KAZN: variants seen among roughly 807,000 people sequenced by gnomAD.
KAZN encodes kazrin, periplakin interacting protein, also known as kazrin.
A neutral mutation model predicts 87.4 loss-of-function variants in KAZN; 40 were observed. The observed-to-expected ratio is 0.46, with a 90% CI of 0.36 to 0.60. The LOEUF is 0.60. Among genes scored for constraint, KAZN ranks in the 20% least tolerant of loss-of-function variants. KAZN has a pLI of 0.00. For missense variants in KAZN, 898 were observed against 1,073.9 expected (o/e 0.84, Z 2.29); for synonymous variants, 466 against 458.3 (o/e 1.02, Z -0.22).
intron 1 of KAZN, among the ~76,000 whole-genome samples, chr1:14,853,922 T>A (rs1649765634): frequency 6.6e-6 from 1 of 152,138 alleles, no homozygotes; most frequent in Non-Finnish European, 1.5e-5. Context: ...AAGAGGAAAG[T>A]CAGCATGAAG....
intron 2 of KAZN, among the ~76,000 whole-genome samples, chr1:14,489,342 A>C (rs2148405402): frequency 6.6e-6 from 1 of 152,286 alleles, no homozygotes; most frequent in East Asian, 1.9e-4. Flanking sequence ...TATCTATATA[A>C]ATCGGGATAA....
intron 2 of KAZN, among the ~76,000 whole-genome samples, chr1:14,532,452 GTTTTTA>G (rs1557781851): frequency 5.5e-5 from 3 of 54,590 alleles, no homozygotes; most frequent in African/African-American, 1.1e-4. Context: ...AAAAACATGT[GTTTTTA>G]TTATTATTAT....
chr1:14,058,981 G>C (rs1642684641), intron 1 of KAZN, among the ~76,000 whole-genome samples: 2 of 152,152 alleles, frequency 1.3e-5, no homozygotes, highest in African/African-American at 4.8e-5. Flanking sequence ...TTGCTATGAT[G>C]CTACCTCAGA....
chr1:14,293,582 G>A (rs1272935656), intron 2 of KAZN, among the ~76,000 whole-genome samples: 1 of 151,804 alleles, frequency 6.6e-6, no homozygotes, highest in African/African-American at 2.4e-5. Flanking sequence ...TGAGCCCCTG[G>A]TCTTGGTCCA....
chr1:15,073,315 T>C (rs922545091), intron 8 of KAZN, among the ~76,000 whole-genome samples: 5 of 152,216 alleles, frequency 3.3e-5, no homozygotes, highest in African/African-American at 7.2e-5. Flanking sequence ...GCCGAGGCCC[T>C]GGGAGCTGTG....
At chr1:14,091,042 G>A (rs1231943478) in intron 1 of KAZN, among the ~76,000 whole-genome samples, 1 of 150,050 alleles carries the variant, frequency 6.7e-6, no homozygotes, top group Non-Finnish European at 1.5e-5. Flanking sequence ...AACCCAGGAG[G>A]CAGAGGTTGC....
intron 1 of KAZN, among the ~76,000 whole-genome samples, chr1:13,959,163 A>G (rs1641660586): frequency 6.6e-6 from 1 of 152,178 alleles, no homozygotes; most frequent in African/African-American, 2.4e-5. Context: ...CTTACAGAAG[A>G]GACCCCAGAG....
chr1:14,365,769 G>A (rs544071229), intron 2 of KAZN, among the ~76,000 whole-genome samples: 8 of 152,138 alleles, frequency 5.3e-5, no homozygotes, highest in African/African-American at 1.4e-4. Flanking sequence ...AAGAACCTCC[G>A]GGTTAAAAAA....
At chr1:14,626,949 G>T (rs1193807787) in intron 1 of KAZN, among the ~76,000 whole-genome samples, 2 of 152,118 alleles carry the variant, frequency 1.3e-5, no homozygotes, top group East Asian at 3.9e-4. Context: ...CCTACTGTGT[G>T]CCCCTTTAGC....
intron 1 of KAZN, among the ~76,000 whole-genome samples, chr1:14,730,307 C>G (rs1643620463): frequency 6.6e-6 from 1 of 152,200 alleles, no homozygotes; most frequent in South Asian, 2.1e-4. Context: ...TGGTCTCGAA[C>G]TCCTGACCTT....
At chr1:14,869,740 T>G (rs1056858490) in intron 1 of KAZN, among the ~76,000 whole-genome samples, 2 of 152,252 alleles carry the variant, frequency 1.3e-5, no homozygotes, top group African/African-American at 4.8e-5. Flanking sequence ...TACTTGCTTC[T>G]GTTCTCCTTC....
intron 1 of KAZN, among the ~76,000 whole-genome samples, chr1:14,076,206 G>A (rs1006972514): frequency 6.6e-6 from 1 of 152,028 alleles, no homozygotes; most frequent in Non-Finnish European, 1.5e-5. Flanking sequence ...GCGTGAACCC[G>A]GGAGGTGGAG....
chr1:14,046,426 G>A (rs114066503), intron 1 of KAZN, among the ~76,000 whole-genome samples: 2 of 52,254 alleles, frequency 3.8e-5, no homozygotes, highest in African/African-American at 2.9e-4. Context: ...CCAGAGCAAA[G>A]CAAAACCAAA....
At chr1:14,814,218 C>CT (rs1038002080) in intron 1 of KAZN, among the ~76,000 whole-genome samples, 4 of 150,414 alleles carry the variant, frequency 2.7e-5, no homozygotes, top group Non-Finnish European at 5.9e-5. Flanking sequence ...AAGACTGGAT[C>CT]TTTTTTATTA....
intron 1 of KAZN, among the ~76,000 whole-genome samples, chr1:14,774,977 G>A (rs181257591): frequency 1.4e-4 from 21 of 152,260 alleles, no homozygotes; most frequent in East Asian, 1.4e-3. Context: ...AAGCAGACAC[G>A]GTCCTGCCCT....
chr1:14,597,767 G>T (rs1327770583), upstream of KAZN, among the ~76,000 whole-genome samples: 1 of 152,102 alleles, frequency 6.6e-6, no homozygotes, highest in Non-Finnish European at 1.5e-5. Context: ...TGTCCTATTT[G>T]CATGGAATGA....
At position 14,184,628 on chromosome 1, in the gene KAZN, G is replaced by C. The variant is rs1445078815; in HGVS notation, c.249+4036G>C. Among the ~76,000 whole-genome samples, 1 of 152,142 alleles carries C rather than the reference G, an allele frequency of 6.6e-6. No individual in the cohort carries two copies. Among genetic ancestry groups the C allele is most frequent in the Non-Finnish European group, 1.5e-5 (1 of 68,020 alleles). ...GTTTTTCTTTTCTCTTTTTAAAAGA[G>C]CTGTCTAGCAAACTCTTCTAGATGA... On this transcript the variant is annotated intron_variant, in intron 2 of 16. Transcript: ENST00000636203. The surrounding 1 kb of genome is among the most constrained non-coding windows in gnomAD (Gnocchi z 4.2).
At chr1:14,791,714 G>A (rs969799511) in intron 1 of KAZN, among the ~76,000 whole-genome samples, 6 of 152,232 alleles carry the variant, frequency 3.9e-5, no homozygotes, top group African/African-American at 1.4e-4. Context: ...GGAGCTGGGC[G>A]AGCTTCCGGA....
chr1:14,326,151 A>G (rs1279437067), intron 2 of KAZN, among the ~76,000 whole-genome samples: 1 of 152,052 alleles, frequency 6.6e-6, no homozygotes, highest in Middle Eastern at 3.2e-3. Context: ...CAAACTTAAC[A>G]AAGTCAAAAC....
Sources: allele counts gnomAD v4.1 joint callset (sites outside exome capture counted in the v4.1 genomes callset), GRCh38; gene constraint gnomAD v4.1.1; non-coding constraint Gnocchi (gnomAD v3.1); transcripts MANE v1.5; gene names NCBI Gene and HGNC (gene_info 2026-07-23, HGNC 2026-07-21).